BRINP3: variants seen among roughly 807,000 people sequenced by gnomAD.
BRINP3 encodes BMP/retinoic acid-inducible neural-specific protein 3.
In BRINP3, 19 loss-of-function variants were observed where a neutral mutation model predicts 71.0. The ratio of observed to expected loss-of-function variants is 0.27; its 90% CI spans 0.19 to 0.39. BRINP3 has a LOEUF of 0.39. BRINP3 is among the 10% of genes least tolerant of loss of function. BRINP3 has a pLI of 1.00. For missense variants in BRINP3, 959 were observed against 940.8 expected (o/e 1.02, Z -0.25); for synonymous variants, 380 against 337.7 (o/e 1.13, Z -1.37).
At chr1:190,337,397 T>C (rs1262596114) in intron 2 of BRINP3, among the ~76,000 whole-genome samples, 1 of 152,052 alleles carries the variant, frequency 6.6e-6, no homozygotes, top group Non-Finnish European at 1.5e-5. Flanking sequence ...GGATTAATAT[T>C]TGAGTCACTG....
chr1:190,244,703 C>T (rs935468817), intron 4 of BRINP3, among the ~76,000 whole-genome samples: 1 of 152,006 alleles, frequency 6.6e-6, no homozygotes, highest in African/African-American at 2.4e-5. Context: ...AGCAGGGAAC[C>T]TCGTTAGATA....
rs1037797369 is a variant in BRINP3, at chr1:190,099,603, C to G, written c.1185-469G>C. On this transcript the variant is annotated intron_variant, in intron 7 of 7. Coordinates refer to ENST00000367462, the MANE Select transcript of BRINP3 (RefSeq NM_199051.3). ...ATTCATTTACTCTTAGCTTTATAAACCACTAGTGTTGCAGGAAGGATGAAT... is the reference window on the plus strand; with the variant it reads ...ATTCATTTACTCTTAGCTTTATAAAGCACTAGTGTTGCAGGAAGGATGAAT... Among the ~76,000 whole-genome samples the G allele has an allele frequency of 2.0e-5, 3 of 152,014 alleles. No individual in the cohort carries two copies. In the East Asian group the frequency reaches 5.8e-4, roughly 29 times the overall value.
chr1:190,293,518 A>C (rs144524472), intron 2 of BRINP3, among the ~76,000 whole-genome samples: 3 of 152,278 alleles, frequency 2.0e-5, no homozygotes, highest in Admixed American at 2.0e-4. Context: ...AATGTTCTGG[A>C]AATGTCAGCT....
At position 190,286,898 on chromosome 1, in the gene BRINP3, A is replaced by C. The variant is rs370443090; in HGVS notation, c.237-5148T>G. On this transcript the variant is annotated intron_variant, in intron 2 of 7. Transcript: ENST00000367462. ...TGGCTCCCCATAATTTTATTGAGAA[A>C]CTGTGATATATAAAATTGACTTTAA... Among the ~76,000 whole-genome samples the C allele has an allele frequency of 1.7e-3, 262 of 152,154 alleles. 1 individual carries two copies. Among genetic ancestry groups the C allele is most frequent in the Middle Eastern group, 0.014 (4 of 294 alleles).
chr1:190,253,502 C>T (rs955335625), intron 4 of BRINP3, among the ~76,000 whole-genome samples: 1 of 152,024 alleles, frequency 6.6e-6, no homozygotes, highest in African/African-American at 2.4e-5. Flanking sequence ...ATGTGGTTTT[C>T]ATTTGTGTTT....
intron 6 of BRINP3, among the ~76,000 whole-genome samples, chr1:190,209,540 T>C (rs1655804833): frequency 6.6e-6 from 1 of 152,130 alleles, no homozygotes; most frequent in African/African-American, 2.4e-5. Flanking sequence ...GTCGACTTTC[T>C]TATGTGTCTG....
intron 2 of BRINP3, among the ~76,000 whole-genome samples, chr1:190,379,282 T>C (rs1000741163): frequency 1.3e-5 from 2 of 152,176 alleles, no homozygotes; most frequent in Non-Finnish European, 1.5e-5. Flanking sequence ...CCAGTATTCT[T>C]GGCAACTGTA....
chr1:190,359,836 C>T (rs1179673424), intron 2 of BRINP3, among the ~76,000 whole-genome samples: 2 of 152,050 alleles, frequency 1.3e-5, no homozygotes, highest in Non-Finnish European at 2.9e-5. Flanking sequence ...ATTATTTTGT[C>T]TAATTATCAA....
At chr1:190,162,031 T>G (rs1025366342) in intron 6 of BRINP3, among the ~76,000 whole-genome samples, 1 of 152,176 alleles carries the variant, frequency 6.6e-6, no homozygotes, top group Non-Finnish European at 1.5e-5. Flanking sequence ...CTGGCATCTT[T>G]ACGGCATTGA....
At chr1:190,392,489 TCAAA>T (rs1671313667) in intron 2 of BRINP3, among the ~76,000 whole-genome samples, 1 of 151,684 alleles carries the variant, frequency 6.6e-6, no homozygotes, top group African/African-American at 2.4e-5. Flanking sequence ...ACTGGAAATC[TCAAA>T]CAGTCTGCAT....
rs552951426 is a variant in BRINP3, at chr1:190,477,615, A to G, written c.-218T>C. ...ATGTAACCAAGTAAAAACCAGTTACACAGAGAGCCACGAACCCCCAAGGCA... is the reference window on the plus strand; with the variant it reads ...ATGTAACCAAGTAAAAACCAGTTACGCAGAGAGCCACGAACCCCCAAGGCA... On this transcript the variant is annotated 5_prime_UTR_variant, in exon 1 of 8. Coordinates refer to ENST00000367462, the MANE Select transcript of BRINP3 (RefSeq NM_199051.3). 2.6e-5 allele frequency: 4 copies of G among 152,120 alleles called. No individual in the cohort carries two copies. In the East Asian group the frequency reaches 5.8e-4, roughly 22 times the overall value. 9.4% of individuals were successfully genotyped at this position (152,120 alleles called of 1,614,324 possible).
At chr1:190,231,814 C>T (rs1226576918) in intron 5 of BRINP3, among the ~76,000 whole-genome samples, 1 of 151,862 alleles carries the variant, frequency 6.6e-6, no homozygotes, top group African/African-American at 2.4e-5. Context: ...AATACTGATT[C>T]ATATACCAAT....
chr1:190,440,791 A>C (rs1323745117), intron 2 of BRINP3, among the ~76,000 whole-genome samples: 1 of 152,038 alleles, frequency 6.6e-6, no homozygotes, highest in African/African-American at 2.4e-5. Flanking sequence ...CTTAAAAGTC[A>C]ATTGGAAAAT....
chr1:190,385,883 A>C (rs1307099155), intron 2 of BRINP3, among the ~76,000 whole-genome samples: 1 of 147,636 alleles, frequency 6.8e-6, no homozygotes, highest in Non-Finnish European at 1.5e-5. Flanking sequence ...CATATACACC[A>C]TGGAATACTA....
At chr1:190,249,929 A>T (rs1341111688) in intron 4 of BRINP3, among the ~76,000 whole-genome samples, 1 of 151,976 alleles carries the variant, frequency 6.6e-6, no homozygotes, top group Non-Finnish European at 1.5e-5. Context: ...AAGAATTGCT[A>T]ATAGAAGATT....
At chr1:190,204,758 G>T (rs1315304129) in intron 6 of BRINP3, among the ~76,000 whole-genome samples, 1 of 151,890 alleles carries the variant, frequency 6.6e-6, no homozygotes, top group Non-Finnish European at 1.5e-5. Flanking sequence ...AATAATAATT[G>T]TAACGATGTT....
chr1:190,302,259 A>G (rs1333034725), intron 2 of BRINP3, among the ~76,000 whole-genome samples: 1 of 147,428 alleles, frequency 6.8e-6, no homozygotes, highest in African/African-American at 2.5e-5. Context: ...TTATATATAT[A>G]TTTTATATAT....
intron 7 of BRINP3, among the ~76,000 whole-genome samples, chr1:190,109,806 T>TG (rs1448522881): frequency 6.6e-6 from 1 of 152,222 alleles, no homozygotes; most frequent in Non-Finnish European, 1.5e-5. Flanking sequence ...CTCCAAGACT[T>TG]GCACCAGTAG....
chr1:190,428,297 G>T (rs139022565), intron 2 of BRINP3, among the ~76,000 whole-genome samples: 84 of 151,942 alleles, frequency 5.5e-4, no homozygotes, highest in African/African-American at 1.9e-3. Context: ...TTTGTTAACA[G>T]CAACAATAGA....
Sources: gnomAD v4.1 joint callset for allele counts (sites outside exome capture counted in the v4.1 genomes callset) on GRCh38, gnomAD v4.1.1 for gene constraint, MANE v1.5 for transcripts, NCBI Gene and HGNC (gene_info 2026-07-23, HGNC 2026-07-21) for gene names.